The following FAF1 variants were observed in gnomAD, a reference collection of about 807,000 sequenced individuals.
FAF1 encodes FAS-associated factor 1.
In FAF1, 25 loss-of-function variants were observed where a neutral mutation model predicts 92.5. The ratio of observed to expected loss-of-function variants is 0.27; its 90% CI spans 0.20 to 0.38. The LOEUF (loss-of-function observed/expected upper bound fraction) is 0.38, where lower values mean the gene tolerates loss of function less well. FAF1 is among the 10% of genes least tolerant of loss of function. The probability of loss-of-function intolerance (pLI) is 1.00; values close to 1 mark genes in which losing one functional copy is unlikely to be tolerated. For missense variants in FAF1, 636 were observed against 793.3 expected (o/e 0.80, Z 2.38); for synonymous variants, 234 against 273.2 (o/e 0.86, Z 1.42).
intron 2 of FAF1, among the ~76,000 whole-genome samples, chr1:50,822,774 C>CTTTTTTTTT (rs772097310): frequency 1.6e-5 from 2 of 125,232 alleles, no homozygotes; most frequent in African/African-American, 3.2e-5. Context: ...TTCTTTCTTT[C>CTTTTTTTTT]TTTTTTTTTT....
chr1:50,553,101 T>C (rs1422023868), intron 13 of FAF1, among the ~76,000 whole-genome samples: 2 of 151,930 alleles, frequency 1.3e-5, no homozygotes, highest in African/African-American at 4.8e-5. Flanking sequence ...GGATGAGGAA[T>C]ATGAAAACTG....
chr1:50,839,925 C>T (rs1644242415), intron 2 of FAF1, among the ~76,000 whole-genome samples: 1 of 152,012 alleles, frequency 6.6e-6, no homozygotes, highest in Non-Finnish European at 1.5e-5. Context: ...CAAACCCATT[C>T]CTCAAAGCCA....
At chr1:50,456,914 A>AT (rs1646359373) in intron 18 of FAF1, among the ~76,000 whole-genome samples, 1 of 152,164 alleles carries the variant, frequency 6.6e-6, no homozygotes, top group African/African-American at 2.4e-5. Flanking sequence ...CGTGTGTACA[A>AT]TTTTTTGTTT....
intron 15 of FAF1, among the ~76,000 whole-genome samples, chr1:50,532,487 C>A (rs1648229881): frequency 6.6e-6 from 1 of 152,138 alleles, no homozygotes; most frequent in African/African-American, 2.4e-5. Context: ...TGCCTCTGTT[C>A]CAGGATAAAT....
intron 3 of FAF1, among the ~76,000 whole-genome samples, chr1:50,796,075 CA>C (rs889468766): frequency 3.3e-5 from 5 of 150,450 alleles, no homozygotes; most frequent in Non-Finnish European, 4.4e-5. Context: ...AAAACAAAAA[CA>C]AAAAAAAACC....
chr1:50,714,952 A>G (rs1285363573), intron 6 of FAF1: 2 of 396,612 alleles, frequency 5.0e-6, no homozygotes, highest in Non-Finnish European at 9.8e-6. Context: ...TTGAAGAGAA[A>G]ATGTATTTCT....
intron 4 of FAF1, among the ~76,000 whole-genome samples, chr1:50,753,757 C>CTTT (rs58567132): frequency 6.1e-5 from 8 of 130,582 alleles, no homozygotes; most frequent in South Asian, 2.5e-4. Context: ...ATTATCTGTT[C>CTTT]TTTTTTTTTT....
intron 8 of FAF1, among the ~76,000 whole-genome samples, chr1:50,608,664 C>T (rs1652539106): frequency 6.6e-6 from 1 of 152,188 alleles, no homozygotes; most frequent in African/African-American, 2.4e-5. Flanking sequence ...CCCTATCTCT[C>T]AAATCATTTG....
chr1:50,538,425 A>T (rs912020723), intron 14 of FAF1, among the ~76,000 whole-genome samples: 1 of 152,030 alleles, frequency 6.6e-6, no homozygotes, highest in Non-Finnish European at 1.5e-5. Context: ...AACTAAATAC[A>T]TGGCAATGAA....
At chr1:50,446,210 T>C (rs1646225510) in intron 18 of FAF1, among the ~76,000 whole-genome samples, 1 of 152,186 alleles carries the variant, frequency 6.6e-6, no homozygotes, top group South Asian at 2.1e-4. Context: ...CACGGTTGAA[T>C]AGGAGCAGAC....
intron 8 of FAF1, among the ~76,000 whole-genome samples, chr1:50,638,445 C>CTTTTTTTTTTTT (rs35054798): frequency 1.4e-4 from 19 of 131,598 alleles, no homozygotes; most frequent in South Asian, 2.4e-4. Flanking sequence ...TTTTCTTTTT[C>CTTTTTTTTTTTT]TTTTTTTTTT....
chr1:50,682,722 T>A (rs1656479320), intron 7 of FAF1, among the ~76,000 whole-genome samples: 1 of 152,178 alleles, frequency 6.6e-6, no homozygotes, highest in African/African-American at 2.4e-5. Flanking sequence ...TAACTAACAG[T>A]AAATATGGTA....
chr1:50,643,646 G>T (rs1240794249), intron 8 of FAF1, among the ~76,000 whole-genome samples: 1 of 152,164 alleles, frequency 6.6e-6, no homozygotes, highest in Non-Finnish European at 1.5e-5. Flanking sequence ...AGGCTAGAGT[G>T]CAGTGGCACG....
At chr1:50,637,131 T>G (rs1408524923) in intron 8 of FAF1, among the ~76,000 whole-genome samples, 1 of 151,952 alleles carries the variant, frequency 6.6e-6, no homozygotes, top group African/African-American at 2.4e-5. Context: ...CTTCCAATTT[T>G]GTTCTTTTTG....
intron 6 of FAF1, among the ~76,000 whole-genome samples, chr1:50,710,537 C>G (rs977678807): frequency 6.6e-6 from 1 of 152,136 alleles, no homozygotes; most frequent in African/African-American, 2.4e-5. Context: ...GGCACTTAAC[C>G]ACTCTGCAAA....
chr1:50,715,450 G>GATAA (rs1356264258), intron 6 of FAF1, among the ~76,000 whole-genome samples: 27 of 151,764 alleles, frequency 1.8e-4, no homozygotes, highest in Non-Finnish European at 2.8e-4. Flanking sequence ...TAAACAAACA[G>GATAA]ATAAATAAAT....
At chr1:50,695,421 C>T (rs1170839232) in intron 7 of FAF1, among the ~76,000 whole-genome samples, 3 of 151,658 alleles carry the variant, frequency 2.0e-5, no homozygotes, top group Non-Finnish European at 4.4e-5. Context: ...TAGACATCCA[C>T]TGTATTAACA....
intron 1 of FAF1, among the ~76,000 whole-genome samples, chr1:50,902,747 A>G (rs1242189139): frequency 6.6e-6 from 1 of 152,186 alleles, no homozygotes; most frequent in East Asian, 1.9e-4. Flanking sequence ...TAGATTACTG[A>G]TAATACCTAA....
chr1:50,781,054 A>G lies in FAF1; in HGVS notation c.367+6946T>C, dbSNP rs542924105. The G allele has an allele frequency of 1.7e-4, 74 of 425,434 alleles. 2 individuals are homozygous for G. In the Admixed American group the frequency reaches 1.9e-3, roughly 11 times the overall value. 26.4% of individuals were successfully genotyped at this position (425,434 alleles called of 1,614,324 possible). A position where few individuals can be genotyped will look rare whatever the true frequency, so the allele number is the denominator to read the frequency against. On this transcript the variant is annotated intron_variant, in intron 4 of 18. Coordinates refer to ENST00000396153, the MANE Select transcript of FAF1 (RefSeq NM_007051.3). ...TGACAGCCTGATTGAACTGTGCAAGATGGAAGTCACAGAGGACATTGAGTA... is the reference window on the plus strand; with the variant it reads ...TGACAGCCTGATTGAACTGTGCAAGGTGGAAGTCACAGAGGACATTGAGTA...
Sources: allele counts gnomAD v4.1 joint callset (sites outside exome capture counted in the v4.1 genomes callset), GRCh38; gene constraint gnomAD v4.1.1; transcripts MANE v1.5; gene names NCBI Gene and HGNC (gene_info 2026-07-23, HGNC 2026-07-21).